AKAP6: variants seen among roughly 807,000 people sequenced by gnomAD.
The protein encoded by AKAP6 is A-kinase anchor protein 6.
Under a neutral mutation model 188.5 loss-of-function variants are expected in AKAP6, and 58 were observed. That is an observed-to-expected ratio of 0.31 (90% CI 0.25 to 0.38). The LOEUF (loss-of-function observed/expected upper bound fraction) is 0.38, where lower values mean the gene tolerates loss of function less well. AKAP6 is among the 10% of genes least tolerant of loss of function. AKAP6 has a pLI of 1.00. For missense variants in AKAP6, 2,710 were observed against 2,740.0 expected, an observed-to-expected ratio of 0.99 and a Z score of 0.24; for synonymous variants, 989 against 998.6, an observed-to-expected ratio of 0.99 and a Z score of 0.18.
At chr14:32,619,652 T>A (rs1218810517) in intron 7 of AKAP6, among the ~76,000 whole-genome samples, 1 of 152,164 alleles carries the variant, frequency 6.6e-6, no homozygotes, top group African/African-American at 2.4e-5. Context: ...TTTGGCTATC[T>A]GGGCTCTTCT....
chr14:32,480,237 T>C (rs752432461), intron 2 of AKAP6, among the ~76,000 whole-genome samples: 20 of 152,288 alleles, frequency 1.3e-4, no homozygotes, highest in Non-Finnish European at 2.6e-4. Flanking sequence ...GTTGAACAGT[T>C]CTTTAGAGTT....
chr14:32,789,052 A>G (rs1473784136), intron 12 of AKAP6, among the ~76,000 whole-genome samples: 1 of 151,968 alleles, frequency 6.6e-6, no homozygotes, highest in East Asian at 1.9e-4. Flanking sequence ...GACAATACAA[A>G]CCGTATGAAC....
intron 5 of AKAP6, among the ~76,000 whole-genome samples, chr14:32,588,701 C>T (rs781206711): frequency 3.2e-4 from 49 of 152,160 alleles, no homozygotes; most frequent in Middle Eastern, 3.4e-3. Context: ...TCTTGGTATC[C>T]GTGAAGGGTT....
chr14:32,523,196 G>A (rs1321701195), intron 2 of AKAP6, among the ~76,000 whole-genome samples: 1 of 149,130 alleles, frequency 6.7e-6, no homozygotes, highest in Non-Finnish European at 1.5e-5. Flanking sequence ...GGAAGGGGGG[G>A]AGGGATAACA....
intron 12 of AKAP6, among the ~76,000 whole-genome samples, chr14:32,816,663 T>C (rs2034386633): frequency 6.6e-6 from 1 of 152,190 alleles, no homozygotes; most frequent in African/African-American, 2.4e-5. Context: ...TCATCTATAC[T>C]GAGGTATATG....
At chr14:32,670,424 G>A (rs1160865865) in intron 7 of AKAP6, among the ~76,000 whole-genome samples, 1 of 152,136 alleles carries the variant, frequency 6.6e-6, no homozygotes, top group Non-Finnish European at 1.5e-5. Flanking sequence ...TTCTGGACTA[G>A]TTGCTAAAGG....
chr14:32,559,702 CCCTG>C (rs1420387283), intron 4 of AKAP6, among the ~76,000 whole-genome samples: 1 of 151,728 alleles, frequency 6.6e-6, no homozygotes, highest in Non-Finnish European at 1.5e-5. Flanking sequence ...AAATCAGAAT[CCCTG>C]GGGTTGGGTA....
intron 2 of AKAP6, among the ~76,000 whole-genome samples, chr14:32,465,461 C>A (rs1878355339): frequency 6.6e-6 from 1 of 152,138 alleles, no homozygotes; most frequent in Non-Finnish European, 1.5e-5. Flanking sequence ...TGATCTTCGA[C>A]AAACCTGACA....
At chr14:32,605,990 G>A (rs1165133293) in intron 7 of AKAP6, among the ~76,000 whole-genome samples, 2 of 152,110 alleles carry the variant, frequency 1.3e-5, no homozygotes, top group African/African-American at 4.8e-5. Context: ...AAAGAAGGAG[G>A]ATAGGAGGAA....
At chr14:32,471,238 T>C (rs2138860877) in intron 2 of AKAP6, among the ~76,000 whole-genome samples, 1 of 152,346 alleles carries the variant, frequency 6.6e-6, no homozygotes, top group South Asian at 2.1e-4. Flanking sequence ...ACCAAGATTG[T>C]CTCCATAATC....
intron 9 of AKAP6, among the ~76,000 whole-genome samples, chr14:32,718,054 G>A (rs1372846720): frequency 6.6e-6 from 1 of 151,988 alleles, no homozygotes; most frequent in East Asian, 1.9e-4. Flanking sequence ...TCAGACTTCT[G>A]GACTGAGATC....
intron 4 of AKAP6, among the ~76,000 whole-genome samples, chr14:32,552,803 A>G (rs17099253): frequency 0.042 from 6,376 of 152,326 alleles, 183 homozygotes; most frequent in East Asian, 0.093. Flanking sequence ...AAGACTATGT[A>G]AATGTGGACA....
intron 2 of AKAP6, among the ~76,000 whole-genome samples, chr14:32,511,845 T>C (rs1378028678): frequency 3.3e-5 from 5 of 152,200 alleles, no homozygotes; most frequent in Non-Finnish European, 5.9e-5. Context: ...AAATTTTATC[T>C]TTAATAGTGT....
chr14:32,482,987 G>GTA (rs1408908916), intron 2 of AKAP6, among the ~76,000 whole-genome samples: 5,018 of 75,204 alleles, frequency 0.067, 113 homozygotes, highest in South Asian at 0.18. Flanking sequence ...GTGTGTGTGT[G>GTA]TGTATATATA....
At chr14:32,800,585 C>A (rs1422055432) in intron 12 of AKAP6, among the ~76,000 whole-genome samples, 1 of 151,866 alleles carries the variant, frequency 6.6e-6, no homozygotes, top group Non-Finnish European at 1.5e-5. Context: ...CTTCATTGTC[C>A]CCGATAATTT....
intron 1 of AKAP6, among the ~76,000 whole-genome samples, chr14:32,357,679 C>T (rs1207020406): frequency 2.0e-5 from 3 of 152,202 alleles, no homozygotes; most frequent in African/African-American, 4.8e-5. Flanking sequence ...TAGAAAAAGA[C>T]GTTCCTTTCT....
At chr14:32,429,252 C>T (rs1890137722) in intron 1 of AKAP6, among the ~76,000 whole-genome samples, 1 of 152,190 alleles carries the variant, frequency 6.6e-6, no homozygotes, top group African/African-American at 2.4e-5. Context: ...CTCAAGATGA[C>T]TTGTAAACAA....
intron 7 of AKAP6, among the ~76,000 whole-genome samples, chr14:32,638,450 C>T (rs1462459673): frequency 6.6e-6 from 1 of 151,992 alleles, no homozygotes; most frequent in Non-Finnish European, 1.5e-5. Context: ...CGTGTATTAG[C>T]ATTTCAGCCA....
In AKAP6 at chr14:32,718,250, G is replaced by A. The variant is rs1212279260; in HGVS notation, c.3001-14204G>A. The A allele has an allele frequency of 5.1e-6, 5 of 983,740 alleles. No individual in the cohort carries two copies. The African/African-American group carries it at 7.0e-5, about 14-fold the overall frequency. 60.9% of individuals were successfully genotyped at this position (983,740 alleles called of 1,614,324 possible). On this transcript the variant is annotated intron_variant, in intron 9 of 13. Transcript: ENST00000280979. ...TAACTTTCCCCATGGGCTTGCCATA[G>A]GAGAACAGCAAAAAAAAGAACAATC...
Sources: gnomAD v4.1 joint callset for allele counts (sites outside exome capture counted in the v4.1 genomes callset) on GRCh38, gnomAD v4.1.1 for gene constraint, MANE v1.5 for transcripts, NCBI Gene and HGNC (gene_info 2026-07-23, HGNC 2026-07-21) for gene names.